The following ANOS1 variants were observed in gnomAD, a reference collection of about 807,000 sequenced individuals.
ANOS1 encodes anosmin 1, also known as anosmin-1.
ANOS1 carries 6 observed loss-of-function variants against 59.0 expected under a neutral mutation model. The ratio of observed to expected loss-of-function variants is 0.10; its 90% CI spans 0.06 to 0.20. The LOEUF is 0.20. ANOS1 is among the 10% of genes least tolerant of loss of function. ANOS1 has a pLI of 1.00. For missense variants in ANOS1, 433 were observed against 542.3 expected (o/e 0.80, Z 2.00); for synonymous variants, 217 against 223.4 (o/e 0.97, Z 0.25).
intron 1 of ANOS1, among the ~76,000 whole-genome samples, chrX:8,715,041 A>G (rs1439401240): frequency 1.8e-5 from 2 of 112,336 alleles, no homozygotes; most frequent in African/African-American, 6.5e-5. Flanking sequence ...GCAAAGAGCA[A>G]TAACCCCAAG....
At chrX:8,647,006 G>A (rs1931771623) in intron 2 of ANOS1, among the ~76,000 whole-genome samples, 1 of 108,374 alleles carries the variant, frequency 9.2e-6, no homozygotes, top group Non-Finnish European at 1.9e-5. Context: ...TGGAGGGTCC[G>A]ATCCTTGTCT....
intron 4 of ANOS1, among the ~76,000 whole-genome samples, chrX:8,591,302 A>G (rs1186109202): frequency 2.7e-5 from 3 of 111,659 alleles, no homozygotes; most frequent in African/African-American, 9.8e-5. Flanking sequence ...TTCATGATTT[A>G]CTTGATTCCT....
intron 2 of ANOS1, among the ~76,000 whole-genome samples, chrX:8,686,794 A>C (rs763658203): frequency 1.4e-3 from 154 of 110,908 alleles, no homozygotes; most frequent in Non-Finnish European, 2.6e-3. Flanking sequence ...TCTACTAAAA[A>C]AATACAAAAA....
At chrX:8,685,620 GAAA>G in intron 2 of ANOS1, among the ~76,000 whole-genome samples, 1 of 92,057 alleles carries the variant, frequency 1.1e-5, no homozygotes, top group South Asian at 5.6e-4. Flanking sequence ...AAGAAAGAAA[GAAA>G]GAAAGAAAGA....
Position 8,534,296 on chromosome X carries a change from T to C in ANOS1, c.1984+23A>G, listed in dbSNP as rs752456538. On this transcript the variant is annotated intron_variant, in intron 13 of 13. Transcript: ENST00000262648. ...GTCCACAAGACCTGACAGGATGGCT[T>C]AATGCCCTGGCACCCCACTCACTGT... 3.3e-6 allele frequency: 4 copies of C among 1,208,921 alleles called. No homozygotes were observed. The East Asian group carries it at 1.2e-4, about 36-fold the overall frequency.
Position 8,536,871 on chromosome X carries a change from T to G in ANOS1, c.1521A>C (p.Pro507=), listed in dbSNP as rs1359694667. The change falls in exon 11 of 14, where the codon CCA becomes CCC. Residue 507 remains proline, a synonymous_variant. Coordinates refer to ENST00000262648, the MANE Select transcript of ANOS1 (RefSeq NM_000216.4). ...KYKVTVQPIR[P]KSHSKAEAVF... is the part of the protein sequence containing the mutation. ...CAGCTTCTGCCTTGGAGTGACTTTT[T>G]GGCCGTATTGGTTGGACAGTCACCT... is the stretch of plus-strand genomic sequence containing the variant. 1.5e-5 allele frequency: 18 copies of G among 1,205,276 alleles called. No homozygotes were observed. The highest frequency in any genetic ancestry group is 2.0e-5 in the Non-Finnish European group (18 of 891,193).
In ANOS1 at chrX:8,530,523, T is replaced by C. The variant is rs1054003731; in HGVS notation, c.*2472A>G. On this transcript the variant is annotated 3_prime_UTR_variant, in exon 14 of 14. Transcript: ENST00000262648. ...GAAACACATGTTTTTTATTAGCCCA[T>C]TAATAGCATTTTTCTTCCAATAACA... is the stretch of plus-strand genomic sequence containing the variant. 8.1e-5 allele frequency: 9 copies of C among 110,690 alleles called. No individual in the cohort carries two copies. The highest frequency in any genetic ancestry group is 2.9e-4 in the African/African-American group (9 of 30,611). The allele number at this position is 110,690 out of a possible 1,213,427, so 9.1% of individuals were successfully genotyped here. A position where few individuals can be genotyped will look rare whatever the true frequency, so the allele number is the denominator to read the frequency against.
At chrX:8,603,099 C>T (rs1930875928) in intron 3 of ANOS1, among the ~76,000 whole-genome samples, 1 of 111,928 alleles carries the variant, frequency 8.9e-6, no homozygotes, top group South Asian at 3.7e-4. Flanking sequence ...AATATGGTCA[C>T]TATGCCCATT....
At chrX:8,589,751 A>T (rs908314615) in intron 4 of ANOS1, among the ~76,000 whole-genome samples, 1 of 112,006 alleles carries the variant, frequency 8.9e-6, no homozygotes, top group Admixed American at 9.5e-5. Context: ...TGCTAAGCAA[A>T]TGTTTTTCCA....
intron 8 of ANOS1, among the ~76,000 whole-genome samples, chrX:8,554,542 GTTTTTT>G (rs757605733): frequency 3.9e-5 from 2 of 50,822 alleles, no homozygotes; most frequent in African/African-American, 8.3e-5. Flanking sequence ...GGCTACAGGA[GTTTTTT>G]TTTTTTTTTT....
At chrX:8,663,694 A>G (rs1932079318) in intron 2 of ANOS1, among the ~76,000 whole-genome samples, 1 of 111,656 alleles carries the variant, frequency 9.0e-6, no homozygotes, top group Non-Finnish European at 1.9e-5. Flanking sequence ...AAGTACTGTG[A>G]AGAGGTAACT....
chrX:8,623,201 G>A (rs1056913099), intron 3 of ANOS1, among the ~76,000 whole-genome samples: 13 of 111,351 alleles, frequency 1.2e-4, no homozygotes, highest in African/African-American at 3.6e-4. Flanking sequence ...GAGGAACCCC[G>A]AGGGGAACAA....
At chrX:8,686,892 T>G (rs1435051408) in intron 2 of ANOS1, among the ~76,000 whole-genome samples, 1 of 111,873 alleles carries the variant, frequency 8.9e-6, no homozygotes, top group African/African-American at 3.3e-5. Flanking sequence ...AAGTGGAGGT[T>G]GCAGTGAGCC....
chrX:8,549,381 G>T (rs1354621737), intron 9 of ANOS1, among the ~76,000 whole-genome samples: 1 of 112,240 alleles, frequency 8.9e-6, no homozygotes, highest in Non-Finnish European at 1.9e-5. Context: ...GGGAATATTG[G>T]TCATATTACT....
At chrX:8,567,021 C>G (rs1028263761) in intron 8 of ANOS1, among the ~76,000 whole-genome samples, 1 of 111,755 alleles carries the variant, frequency 8.9e-6, no homozygotes, top group Non-Finnish European at 1.9e-5. Flanking sequence ...ATCGGAGGAG[C>G]CCCTGCGACA....
chrX:8,542,303 G>T lies in ANOS1; in HGVS notation c.1355-2545C>A, dbSNP rs187702239. The stretch of plus-strand genomic sequence containing the variant: ...CCATGTTGATTTCTGCACCTCAACT[G>T]CTCCTTGCATTCACACTTTTCTTTC... On this transcript the variant is annotated intron_variant, in intron 9 of 13. Coordinates refer to ENST00000262648, the MANE Select transcript of ANOS1 (RefSeq NM_000216.4). 3.6e-3 allele frequency among the ~76,000 whole-genome samples: 398 copies of T among 111,617 alleles called. 4 individuals carry two copies. Among genetic ancestry groups the T allele is most frequent in the African/African-American group, 0.012 (367 of 30,628 alleles).
chrX:8,701,120 G>A (rs2146899652), intron 1 of ANOS1, among the ~76,000 whole-genome samples: 1 of 110,770 alleles, frequency 9.0e-6, no homozygotes, highest in South Asian at 3.8e-4. Context: ...TCTCTGGTTG[G>A]GATCTTTTAA....
At chrX:8,610,425 C>G (rs1356295282) in intron 3 of ANOS1, among the ~76,000 whole-genome samples, 2 of 111,829 alleles carry the variant, frequency 1.8e-5, no homozygotes, top group African/African-American at 6.5e-5. Flanking sequence ...CAAGATAGCT[C>G]TGCAATTTTT....
At position 8,664,357 on chromosome X, in the gene ANOS1, AT is replaced by A. The variant is rs1194008091; in HGVS notation, c.255+35340del. On this transcript the variant is annotated intron_variant, in intron 2 of 13. Transcript: ENST00000262648. ...AGGAGTGCGCCACCACGCCCGGCTA[AT>A]TTTTTTGTATTTTTTTAGTAGAGAC... 1.6e-4 allele frequency among the ~76,000 whole-genome samples: 17 copies of A among 109,446 alleles called. No homozygotes were observed. In the East Asian group the frequency reaches 3.5e-3, roughly 23 times the overall value.
Sources: allele counts gnomAD v4.1 joint callset (sites outside exome capture counted in the v4.1 genomes callset), GRCh38; gene constraint gnomAD v4.1.1; transcripts MANE v1.5; gene names NCBI Gene and HGNC (gene_info 2026-07-23, HGNC 2026-07-21).